HDAC7: variants seen among roughly 807,000 people sequenced by gnomAD.
HDAC7 encodes histone deacetylase 7, also known as histone deacetylase 7A.
HDAC7 carries 26 observed loss-of-function variants against 115.5 expected under a neutral mutation model. The ratio of observed to expected loss-of-function variants is 0.23; its 90% CI spans 0.16 to 0.31. The LOEUF (loss-of-function observed/expected upper bound fraction) is 0.31, where lower values mean the gene tolerates loss of function less well. Among genes scored for constraint, HDAC7 ranks in the 10% least tolerant of loss-of-function variants. HDAC7 has a pLI of 1.00. For missense variants in HDAC7, 1,068 were observed against 1,329.0 expected (o/e 0.80, Z 3.05); for synonymous variants, 564 against 550.9 (o/e 1.02, Z -0.33).
chr12:47,786,371 T>C (rs1454332078), intron 22 of HDAC7, among the ~76,000 whole-genome samples: 1 of 152,194 alleles, frequency 6.6e-6, no homozygotes, highest in Non-Finnish European at 1.5e-5. Context: ...AAGCCCTCCG[T>C]GGTGAACCGG....
chr12:47,797,174 C>A lies in HDAC7; in HGVS notation c.578-32G>T, dbSNP rs202119280. The A allele has an allele frequency of 9.7e-5, 152 of 1,564,062 alleles. 1 individual carries two copies. In the East Asian group the frequency reaches 2.4e-3, roughly 24 times the overall value. On this transcript the variant is annotated intron_variant, in intron 6 of 25. Coordinates refer to ENST00000080059, the MANE Select transcript of HDAC7 (RefSeq NM_015401.5). The surrounding 1 kb of genome is among the most constrained non-coding windows in gnomAD (Gnocchi z 5.5). ...GGAGCACCAGCGTCACTCAGGCCCC[C>A]ACCACCCTTCTTTTTTCCACCCTTT...
intron 17 of HDAC7, 48 bp downstream of exon 17, chr12:47,789,765 T>A (rs768052187): frequency 1.3e-6 from 2 of 1,488,500 alleles, no homozygotes; most frequent in Non-Finnish European, 1.9e-6. Context: ...ACTACCCCAC[T>A]CTGCTTCCTC....
Position 47,795,629 on chromosome 12 carries a change from G to C in HDAC7, c.1045C>G (p.Leu349Val). The change falls in exon 10 of 26, where the codon CTC becomes GTC. Residue 349 changes from leucine (L) to valine (V), a missense_variant. Leu to Val is a conservative substitution (Grantham distance 32, BLOSUM62 1). Around this residue, in one of 6 missense-constraint regions of HDAC7, gnomAD observed 618 missense variants for 701.5 expected, o/e 0.88. Transcript: ENST00000080059. This position sits in a 1 kb window ranked among gnomAD's most constrained non-coding sequence, Gnocchi z 4.3. Reference sequence around the variant, plus strand: ...TGAGAGCCTGAGGGGTCCAGGAGGAGAATGGGCTGCAGGCGAGAGGGCAAG... The same window carrying C: ...TGAGAGCCTGAGGGGTCCAGGAGGACAATGGGCTGCAGGCGAGAGGGCAAG... Reference protein sequence around the residue: ...GTLPSRLQPILLLDPSGSHAP... With the variant: ...GTLPSRLQPIVLLDPSGSHAP... The C allele has an allele frequency of 6.4e-7, 1 of 1,559,464 alleles. No individual in the cohort carries two copies. Among genetic ancestry groups the C allele is most frequent in the South Asian group, 1.2e-5 (1 of 84,560 alleles).
At position 47,785,899 on chromosome 12, in the gene HDAC7, G is replaced by T. The variant is rs1318820359; in HGVS notation, c.2573-14C>A. 4 of 1,577,088 alleles carry T rather than the reference G, an allele frequency of 2.5e-6. No homozygotes were observed. The South Asian group carries it at 4.6e-5, about 18-fold the overall frequency. The stretch of plus-strand genomic sequence containing the variant: ...TGTATCCAAAACCTAGAGGTTGGGA[G>T]GGGAGAAATGGGAGGGGCGGGAGTG... On this transcript the variant is annotated splice_polypyrimidine_tract_variant and intron_variant, in intron 22 of 25. Coordinates refer to ENST00000080059, the MANE Select transcript of HDAC7 (RefSeq NM_015401.5).
chr12:47,797,562 G>C lies in HDAC7; in HGVS notation c.462-63C>G. ...GGACACTGCACGGGCACTGCCCTGA[G>C]CACGGGCCCTGGGACCTGAGGGGGA... On this transcript the variant is annotated intron_variant, in intron 5 of 25. Coordinates refer to ENST00000080059, the MANE Select transcript of HDAC7 (RefSeq NM_015401.5). The surrounding 1 kb of genome is among the most constrained non-coding windows in gnomAD (Gnocchi z 5.5). 1 of 1,272,880 alleles carries C rather than the reference G, an allele frequency of 7.9e-7. No individual in the cohort carries two copies. Among genetic ancestry groups the C allele is most frequent in the South Asian group, 1.4e-5 (1 of 73,002 alleles). 78.8% of individuals were successfully genotyped at this position (1,272,880 alleles called of 1,614,324 possible).
chr12:47,810,259 T>C (rs990483583), intron 1 of HDAC7, among the ~76,000 whole-genome samples: 2 of 152,230 alleles, frequency 1.3e-5, no homozygotes, highest in African/African-American at 4.8e-5. Context: ...ATACTGTTAT[T>C]ATTCTCATTT....
chr12:47,791,296 T>A lies in HDAC7; in HGVS notation c.1946A>T (p.Gln649Leu). The A allele has an allele frequency of 1.3e-6, 2 of 1,599,514 alleles. No homozygotes were observed. Among genetic ancestry groups the A allele is most frequent in the Non-Finnish European group, 8.5e-7 (1 of 1,173,134 alleles). ...ACAGGGCAGCATCACAAACATCCGCTGTGCCAGGAGCCCTGCGGGGAGAGG... is the reference window on the plus strand; with the variant it reads ...ACAGGGCAGCATCACAAACATCCGCAGTGCCAGGAGCCCTGCGGGGAGAGG... ...DNGKLAGLLAQRMFVMLPCGG... is the reference protein window; with the variant it reads ...DNGKLAGLLALRMFVMLPCGG... Residue 649 changes from glutamine (Q) to leucine (L), a missense_variant, in exon 16 of 26, where the codon CAG becomes CTG. Transcript: ENST00000080059.
rs754829918 is a variant in HDAC7 at position 47,796,269 on chromosome 12, C to T, written c.733G>A (p.Ala245Thr). The T allele has an allele frequency of 1.3e-6, 2 of 1,597,974 alleles. No homozygotes were observed. Among genetic ancestry groups the T allele is most frequent in the Admixed American group, 3.6e-5 (2 of 54,812 alleles). ...TCATTGGGGGAGCTGCACCCTGATG[C>T]GGGCGTGCTGCTACTACTTGGGGAG... ...DSSPSSSSTPASGCSSPNDSE... is the reference protein window; with the variant it reads ...DSSPSSSSTPTSGCSSPNDSE... Residue 245 changes from alanine to threonine, a missense_variant, in exon 8 of 26, where the codon GCA becomes ACA. Physicochemically the swap from Ala to Thr is moderately conservative, Grantham distance 58. Transcript: ENST00000080059.
intron 16 of HDAC7, 21 bp from the exon 17 acceptor site, chr12:47,789,941 G>T: frequency 6.5e-7 from 1 of 1,547,706 alleles, no homozygotes; most frequent in Non-Finnish European, 8.9e-7. Flanking sequence ...CAGAGTCAGG[G>T]CCCGCATCAT....
chr12:47,791,899 T>C lies in HDAC7; in HGVS notation c.1784A>G (p.Gln595Arg). Reference protein sequence around the residue: ...GRIQSIWSRLQERGLRSQCEC... With the variant: ...GRIQSIWSRLRERGLRSQCEC... ...ACACTGGCTCCGGAGCCCCCGCTCCTGCAGCCGGGACCAGATGCTCTGGAT... is the reference window on the plus strand; with the variant it reads ...ACACTGGCTCCGGAGCCCCCGCTCCCGCAGCCGGGACCAGATGCTCTGGAT... The change falls in exon 14 of 26, where the codon CAG (glutamine) becomes CGG (arginine). Residue 595 changes from glutamine (Q) to arginine (R), a missense_variant. Physicochemically the swap from Gln to Arg is conservative, Grantham distance 43. This residue lies in a region of HDAC7 where 618 missense variants were observed against 701.5 expected (regional missense o/e 0.88). Transcript: ENST00000080059. 2 of 1,569,246 alleles carry C rather than the reference T, an allele frequency of 1.3e-6. No individual in the cohort carries two copies. Among genetic ancestry groups the C allele is most frequent in the Non-Finnish European group, 1.7e-6 (2 of 1,153,748 alleles).
chr12:47,788,321 G>A (rs563378805), intron 19 of HDAC7, 157 bp from the exon 20 acceptor site: 17 of 820,480 alleles, frequency 2.1e-5, no homozygotes, highest in East Asian at 1.7e-4. Flanking sequence ...GTGGCCCCAC[G>A]TAATCCACTG....
chr12:47,808,954 C>T (rs972266372), intron 1 of HDAC7, among the ~76,000 whole-genome samples: 4 of 152,196 alleles, frequency 2.6e-5, no homozygotes, highest in African/African-American at 7.2e-5. Context: ...GTCTAACTAC[C>T]ATCTTTCCTA....
intron 1 of HDAC7, among the ~76,000 whole-genome samples, chr12:47,812,714 T>C (rs1944718571): frequency 6.6e-6 from 1 of 152,178 alleles, no homozygotes; most frequent in Non-Finnish European, 1.5e-5. Flanking sequence ...TGTAGAGTGC[T>C]TTAAGCACTA....
intron 24 of HDAC7, 144 bp from the exon 25 acceptor site, chr12:47,784,361 C>G (rs780726751): frequency 3.7e-5 from 30 of 817,392 alleles, no homozygotes; most frequent in Non-Finnish European, 5.1e-5. Flanking sequence ...GCTCTCCCAC[C>G]TGCCCCTCTC....
At chr12:47,787,932 T>A (rs1245946923) in intron 20 of HDAC7, 113 bp downstream of exon 20, 4 of 1,555,828 alleles carry the variant, frequency 2.6e-6, no homozygotes, top group Admixed American at 1.8e-5. Flanking sequence ...AAGTTTAGGA[T>A]CAGAGAGGCT....
Position 47,782,965 on chromosome 12 carries a change from A to G in HDAC7, c.*876T>C, listed in dbSNP as rs964281589. ...TTGCCAGAGCAGCCTCCCCTCCTCC[A>G]TGTCTGTATCTTCTCTCCCACCCCT... On this transcript the variant is annotated 3_prime_UTR_variant, in exon 26 of 26. Coordinates refer to ENST00000080059, the MANE Select transcript of HDAC7 (RefSeq NM_015401.5). 1 of 152,520 alleles carries G rather than the reference A, an allele frequency of 6.6e-6. No homozygotes were observed. The highest frequency in any genetic ancestry group is 1.5e-5 in the Non-Finnish European group (1 of 68,052). 9.4% of individuals were successfully genotyped at this position (152,520 alleles called of 1,614,324 possible). A position where few individuals can be genotyped will look rare whatever the true frequency, so the allele number is the denominator to read the frequency against.
chr12:47,791,265 C>T lies in HDAC7; in HGVS notation c.1977G>A (p.Gly659=). The change falls in exon 16 of 26, where the codon GGG becomes GGA. Residue 659 remains glycine, a synonymous_variant. Transcript: ENST00000080059. ...GACCCCTGGGCACACTTACCCCAACCCCACCACAGGGCAGCATCACAAACA... is the reference window on the plus strand; with the variant it reads ...GACCCCTGGGCACACTTACCCCAACTCCACCACAGGGCAGCATCACAAACA... ...QRMFVMLPCG[G]VGVDTDTIWN... 1 of 1,601,016 alleles carries T rather than the reference C, an allele frequency of 6.2e-7. No individual in the cohort carries two copies. The highest frequency in any genetic ancestry group is 8.5e-7 in the Non-Finnish European group (1 of 1,174,074).
At chr12:47,819,444 GC>G (rs1428330396) in intron 1 of HDAC7, among the ~76,000 whole-genome samples, 3 of 152,294 alleles carry the variant, frequency 2.0e-5, no homozygotes, top group South Asian at 2.1e-4. Context: ...GGGACGTGGG[GC>G]CCGCACACCG....
intron 1 of HDAC7, among the ~76,000 whole-genome samples, chr12:47,815,673 G>A (rs1372681688): frequency 2.0e-5 from 3 of 152,088 alleles, no homozygotes; most frequent in African/African-American, 7.2e-5. Context: ...GTGAGGTGGC[G>A]CAATCTCGGC....
Sources: allele counts gnomAD v4.1 joint callset (sites outside exome capture counted in the v4.1 genomes callset), GRCh38; gene constraint gnomAD v4.1.1; regional missense constraint gnomAD v4.1.1; non-coding constraint Gnocchi (gnomAD v3.1); transcripts MANE v1.5; gene names NCBI Gene and HGNC (gene_info 2026-07-23, HGNC 2026-07-21).